C9orf50: variants seen among roughly 807,000 people sequenced by gnomAD.
C9orf50 encodes the protein chromosome 9 open reading frame 50, also known as uncharacterized protein C9orf50.
In C9orf50, 33 loss-of-function variants were observed where a neutral mutation model predicts 42.5. The observed-to-expected ratio is 0.78, with a 90% CI of 0.59 to 1.04. The LOEUF (loss-of-function observed/expected upper bound fraction) is 1.04. Ranked by LOEUF, C9orf50 falls within the 50% of genes least tolerant of loss-of-function variation. The pLI is 0.00. For synonymous variants in C9orf50, 257 were observed against 273.4 expected (o/e 0.94, Z 0.59); for missense variants, 547 against 594.3 (o/e 0.92, Z 0.83).
At chr9:129,616,614 T>C (rs950652652) in intron 3 of C9orf50, among the ~76,000 whole-genome samples, 2 of 152,030 alleles carry the variant, frequency 1.3e-5, no homozygotes, top group African/African-American at 4.8e-5. Flanking sequence ...ATTCTGCAGG[T>C]TTTTTTCCCT....
chr9:129,616,356 C>T (rs1445188331), intron 3 of C9orf50, among the ~76,000 whole-genome samples: 1 of 152,198 alleles, frequency 6.6e-6, no homozygotes, highest in Non-Finnish European at 1.5e-5. Flanking sequence ...GCTGGGACTA[C>T]AGGCGTGTGC....
Position 129,620,739 on chromosome 9 carries a change from G to C in C9orf50, c.-165C>G. Reference sequence around the variant, plus strand: ...CGGCGGACAGCGAGTGGCTTCAGGCGAGAGCTCCCAGAGCCTCTGTTTCCT... The same window carrying C: ...CGGCGGACAGCGAGTGGCTTCAGGCCAGAGCTCCCAGAGCCTCTGTTTCCT... On this transcript the variant is annotated 5_prime_UTR_variant, in exon 1 of 7. Coordinates refer to ENST00000372478, the Ensembl canonical transcript of C9orf50. The surrounding 1 kb of genome is among the most constrained non-coding windows in gnomAD (Gnocchi z 5.8). The C allele has an allele frequency of 1.8e-6, 1 of 555,568 alleles. No homozygotes were observed. Among genetic ancestry groups the C allele is most frequent in the Non-Finnish European group, 2.7e-6 (1 of 370,972 alleles). 34.4% of individuals were successfully genotyped at this position (555,568 alleles called of 1,614,324 possible).
Position 129,620,279 on chromosome 9 carries a change from G to A in C9orf50, c.296C>T (p.Ser99Phe), listed in dbSNP as rs1301246093. The stretch of plus-strand genomic sequence containing the variant: ...CGACAGCAGGGGAGGCGGCAGCAGG[G>A]ACCGCAGCAGCCCCCGCTTCCGCAC... Residue 99 changes from serine to phenylalanine, a missense_variant, in exon 1 of 7, where the codon TCC becomes TTC. By Grantham distance (155) the Ser-to-Phe change is radical. This residue lies in a region of C9orf50 where 108 missense variants were observed against 172.1 expected (regional missense o/e 0.63). Transcript: ENST00000372478. The surrounding 1 kb of genome is among the most constrained non-coding windows in gnomAD (Gnocchi z 5.8). 3.9e-6 allele frequency: 5 copies of A among 1,291,414 alleles called. No individual in the cohort carries two copies. Among genetic ancestry groups the A allele is most frequent in the Non-Finnish European group, 4.9e-6 (5 of 1,015,812 alleles). The allele number at this position is 1,291,414 out of a possible 1,614,324, so 80.0% of individuals were successfully genotyped here.
At position 129,613,022 on chromosome 9, in the gene C9orf50, C is replaced by T. The variant is rs1830163782; in HGVS notation, c.1188+85G>A. 7.0e-6 allele frequency: 11 copies of T among 1,565,336 alleles called. No homozygotes were observed. Among genetic ancestry groups the T allele is most frequent in the Non-Finnish European group, 9.5e-6 (11 of 1,154,244 alleles). ...GAGGGTCCACTCCCAGCCCCAGCCA[C>T]TCCACCAAACAGGGCTGCTCCCGGA... On this transcript the variant is annotated intron_variant, in intron 6 of 6. Coordinates refer to ENST00000372478, the Ensembl canonical transcript of C9orf50. The surrounding 1 kb of genome is among the most constrained non-coding windows in gnomAD (Gnocchi z 6.2).
At chr9:129,616,463 C>A (rs1318528513) in intron 3 of C9orf50, among the ~76,000 whole-genome samples, 5 of 152,112 alleles carry the variant, frequency 3.3e-5, no homozygotes, top group African/African-American at 4.8e-5. Flanking sequence ...TGATCCACCC[C>A]CCTTCGCCTT....
At chr9:129,619,144 T>C (rs1830544615) in intron 3 of C9orf50, among the ~76,000 whole-genome samples, 2 of 152,034 alleles carry the variant, frequency 1.3e-5, no homozygotes, top group African/African-American at 4.8e-5. Flanking sequence ...GGGTCCATGA[T>C]AGATTAATGG....
chr9:129,621,149 G>A (rs573561643), upstream of C9orf50, among the ~76,000 whole-genome samples: 1 of 152,330 alleles, frequency 6.6e-6, no homozygotes, highest in South Asian at 2.1e-4. Flanking sequence ...AACTGTTACC[G>A]TCATTAGCGC....
rs944422115 is a variant in C9orf50, at chr9:129,614,880, C to T, written c.880+604G>A. Among the ~76,000 whole-genome samples, 5 of 151,304 alleles carry T rather than the reference C, an allele frequency of 3.3e-5. No individual in the cohort carries two copies. Among genetic ancestry groups the T allele is most frequent in the African/African-American group, 9.7e-5 (4 of 41,028 alleles). On this transcript the variant is annotated intron_variant, in intron 4 of 6. Coordinates refer to ENST00000372478, the Ensembl canonical transcript of C9orf50. This position sits in a 1 kb window ranked among gnomAD's most constrained non-coding sequence, Gnocchi z 4.4. ...TCGCGCCACTGCACTCCAGCCTGGG[C>T]GACAGAGTGAGACTCCGTATCAGAA...
chr9:129,618,368 G>C (rs1229037087), intron 3 of C9orf50, among the ~76,000 whole-genome samples: 1 of 152,110 alleles, frequency 6.6e-6, no homozygotes, highest in Non-Finnish European at 1.5e-5. Context: ...AAAAGTTAGA[G>C]TAAGAAATGG....
chr9:129,616,937 G>A (rs756877191), intron 3 of C9orf50, among the ~76,000 whole-genome samples: 2 of 152,144 alleles, frequency 1.3e-5, no homozygotes, highest in African/African-American at 2.4e-5. Flanking sequence ...AGCTGGGCAC[G>A]GTGGCGTGCG....
exon 3 of C9orf50, chr9:129,619,552 G>C (rs767600309): frequency 6.2e-7 from 1 of 1,614,092 alleles, no homozygotes. Context: ...TGAATTGTGA[G>C]TGATCACCCT....
chr9:129,612,496 C>A, intron 6 of C9orf50, 42 bp from the exon 7 acceptor site: 1 of 1,514,680 alleles, frequency 6.6e-7, no homozygotes, highest in South Asian at 1.2e-5. Context: ...ACCAGGACCT[C>A]GGGGCAGGGG....
At chr9:129,615,609 G>A (rs1309488967) in exon 4 of C9orf50, 26 of 1,597,464 alleles carry the variant, frequency 1.6e-5, no homozygotes, top group Non-Finnish European at 2.0e-5. Context: ...GTGGGTCAGC[G>A]CAGCCTTGAG....
chr9:129,615,917 C>T (rs151047469), intron 3 of C9orf50, among the ~76,000 whole-genome samples: 122 of 152,346 alleles, frequency 8.0e-4, no homozygotes, highest in African/African-American at 2.6e-3. Context: ...AACAGAGGCA[C>T]AGAGACTATT....
intron 3 of C9orf50, among the ~76,000 whole-genome samples, chr9:129,618,531 A>C (rs1003893673): frequency 1.1e-4 from 16 of 152,084 alleles, no homozygotes; most frequent in African/African-American, 3.9e-4. Flanking sequence ...ATGATTATGT[A>C]GATGGGTATG....
chr9:129,615,422 CCT>C, intron 4 of C9orf50, 60 bp downstream of exon 4: 1 of 1,478,092 alleles, frequency 6.8e-7, no homozygotes, highest in South Asian at 1.4e-5. Flanking sequence ...GGAGCTACAG[CCT>C]CTCTGCCCTC....
chr9:129,612,451 A>T (rs1414943517), exon 7 of C9orf50: 10 of 1,610,764 alleles, frequency 6.2e-6, no homozygotes, highest in Non-Finnish European at 8.5e-6. Flanking sequence ...GGCAGGAGGG[A>T]CTCCTAGAGT....
At position 129,612,921 on chromosome 9, in the gene C9orf50, A is replaced by G. The variant is rs74381877; in HGVS notation, c.1188+186T>C. On this transcript the variant is annotated intron_variant, in intron 6 of 6. Transcript: ENST00000372478. ...GCACCTGGCTTAGAGCCACCCCTTG[A>G]CAGCTGCCCTTTGAGGGAGATGCAG... Among the ~76,000 whole-genome samples, 122 of 152,216 alleles carry G rather than the reference A, an allele frequency of 8.0e-4. 1 individual carries two copies. In the East Asian group the frequency reaches 0.021, roughly 26 times the overall value.
chr9:129,615,701 A>G, intron 3 of C9orf50, 54 bp from the exon 4 acceptor site: 2 of 1,475,712 alleles, frequency 1.4e-6, no homozygotes, highest in South Asian at 1.4e-5. Context: ...ACCCCAGCAC[A>G]CACGCACCAG....
Sources: allele counts gnomAD v4.1 joint callset (sites outside exome capture counted in the v4.1 genomes callset), GRCh38; gene constraint gnomAD v4.1.1; regional missense constraint gnomAD v4.1.1; non-coding constraint Gnocchi (gnomAD v3.1); transcripts MANE v1.5; gene names NCBI Gene and HGNC (gene_info 2026-07-23, HGNC 2026-07-21).